Variants in PXDNL observed in about 807,000 individuals in gnomAD.
PXDNL encodes the protein peroxidasin like.
Under a neutral mutation model 150.8 loss-of-function variants are expected in PXDNL, and 145 were observed. The ratio of observed to expected loss-of-function variants is 0.96; its 90% CI spans 0.84 to 1.10. PXDNL has a LOEUF of 1.10. PXDNL is among the 50% of genes least tolerant of loss of function. The pLI is 0.00. For missense variants in PXDNL, 2,087 were observed against 1,873.9 expected (o/e 1.11, Z -2.10); for synonymous variants, 757 against 725.7 (o/e 1.04, Z -0.69).
intron 21 of PXDNL, among the ~76,000 whole-genome samples, chr8:51,335,682 T>TACAC (rs3040925): frequency 0.21 from 28,888 of 137,322 alleles, 2,957 homozygotes; most frequent in Middle Eastern, 0.23. Context: ...TTATATACCC[T>TACAC]ACACACACAC....
rs149278875 is a variant in PXDNL at position 51,492,023 on chromosome 8, C to T, written c.452+7676G>A. On this transcript the variant is annotated intron_variant, in intron 5 of 22. Transcript: ENST00000356297. ...CAGCACAAAGCAAACAAAAGCAAAC[C>T]ATGTGATTTTATGCCTTGCAACTGC... is the stretch of plus-strand genomic sequence containing the variant. Among the ~76,000 whole-genome samples, 535 of 152,266 alleles carry T rather than the reference C, an allele frequency of 3.5e-3. 2 individuals carry two copies. Among genetic ancestry groups the T allele is most frequent in the Admixed American group, 8.6e-3 (131 of 15,292 alleles).
chr8:51,734,228 G>A, intron 1 of PXDNL, among the ~76,000 whole-genome samples: 1 of 152,156 alleles, frequency 6.6e-6, no homozygotes, highest in East Asian at 1.9e-4. Context: ...AAAAGAGTTT[G>A]TTAGGGAAGA....
intron 2 of PXDNL, among the ~76,000 whole-genome samples, chr8:51,608,026 A>AAAGAAAG (rs1491392081): frequency 1.4e-4 from 17 of 119,044 alleles, no homozygotes; most frequent in South Asian, 5.4e-4. Context: ...AGAAAGAAAG[A>AAAGAAAG]AAGAAAGAAA....
rs181625926 is a variant in PXDNL at position 51,449,217 on chromosome 8, G to T, written c.1250-99C>A. 75 of 658,506 alleles carry T rather than the reference G, an allele frequency of 1.1e-4. No homozygotes were observed. The African/African-American group carries it at 1.2e-3, about 11-fold the overall frequency. The allele number at this position is 658,506 out of a possible 1,614,324, so 40.8% of individuals were successfully genotyped here. On this transcript the variant is annotated intron_variant, in intron 10 of 22. Transcript: ENST00000356297. ...TGTCTTCAAATATGTCATGTGATCA[G>T]AATTTGTTTACAATTATATATAAAC... is the stretch of plus-strand genomic sequence containing the variant.
intron 12 of PXDNL, among the ~76,000 whole-genome samples, chr8:51,437,075 A>T (rs1409650276): frequency 6.6e-6 from 1 of 152,202 alleles, no homozygotes; most frequent in Non-Finnish European, 1.5e-5. Flanking sequence ...GCAAACCTTC[A>T]TGTGCACAAA....
At chr8:51,609,429 C>T (rs116959025) in intron 2 of PXDNL, among the ~76,000 whole-genome samples, 25 of 152,262 alleles carry the variant, frequency 1.6e-4, no homozygotes, top group Non-Finnish European at 2.8e-4. Flanking sequence ...GGGTCCTTGA[C>T]CCCTGTGCTC....
chr8:51,565,142 C>T (rs1261009318), intron 3 of PXDNL, among the ~76,000 whole-genome samples: 1 of 151,726 alleles, frequency 6.6e-6, no homozygotes, highest in African/African-American at 2.4e-5. Context: ...TAAGTGCGGA[C>T]ATGATGCAAG....
chr8:51,405,642 C>T (rs1251253452), intron 17 of PXDNL, among the ~76,000 whole-genome samples: 1 of 152,208 alleles, frequency 6.6e-6, no homozygotes, highest in Non-Finnish European at 1.5e-5. Flanking sequence ...TTGCAATCTA[C>T]ATATTTGAGA....
chr8:51,771,864 C>T lies in PXDNL; in HGVS notation c.164+37317G>A, dbSNP rs545749401. Among the ~76,000 whole-genome samples, 22 of 152,208 alleles carry T rather than the reference C, an allele frequency of 1.4e-4. No homozygotes were observed. The East Asian group carries it at 3.7e-3, about 26-fold the overall frequency. On this transcript the variant is annotated intron_variant, in intron 1 of 22. Transcript: ENST00000356297. ...TTGATTCCACACCTCAGCTACTGGT[C>T]CACACACGTGGTTCCTCTGCCTCCC... is the stretch of plus-strand genomic sequence containing the variant.
chr8:51,437,598 T>C (rs1809438230), intron 12 of PXDNL, among the ~76,000 whole-genome samples: 1 of 152,216 alleles, frequency 6.6e-6, no homozygotes, highest in South Asian at 2.1e-4. Flanking sequence ...CACATGATCA[T>C]ATCAATAGAT....
At chr8:51,792,718 G>A in intron 1 of PXDNL, among the ~76,000 whole-genome samples, 1 of 152,210 alleles carries the variant, frequency 6.6e-6, no homozygotes, top group East Asian at 1.9e-4. Flanking sequence ...GTGGTACATT[G>A]TGGCCAGACA....
chr8:51,679,922 G>A (rs2130844611), intron 1 of PXDNL, among the ~76,000 whole-genome samples: 1 of 152,162 alleles, frequency 6.6e-6, no homozygotes. Flanking sequence ...CTCTCTCCTG[G>A]GACACATGCT....
At chr8:51,568,942 C>T (rs1434662208) in intron 3 of PXDNL, among the ~76,000 whole-genome samples, 1 of 151,806 alleles carries the variant, frequency 6.6e-6, no homozygotes, top group Non-Finnish European at 1.5e-5. Flanking sequence ...CTAGAATTTC[C>T]TTTTCATTCT....
At chr8:51,504,101 A>G (rs141143097) in intron 4 of PXDNL, among the ~76,000 whole-genome samples, 1 of 151,846 alleles carries the variant, frequency 6.6e-6, no homozygotes, top group Non-Finnish European at 1.5e-5. Flanking sequence ...TGCGTTTTTT[A>G]TTTTGCCTCC....
intron 2 of PXDNL, among the ~76,000 whole-genome samples, chr8:51,629,208 A>C (rs1439849770): frequency 6.6e-6 from 1 of 152,212 alleles, no homozygotes; most frequent in African/African-American, 2.4e-5. Flanking sequence ...TATGTAAAGG[A>C]AGCAGACATA....
intron 10 of PXDNL, among the ~76,000 whole-genome samples, chr8:51,451,607 A>G (rs1586117744): frequency 6.6e-6 from 1 of 152,162 alleles, no homozygotes; most frequent in Admixed American, 6.5e-5. Flanking sequence ...CTTTTTACCT[A>G]TATGTCCACA....
At chr8:51,359,375 G>A (rs942038233) in intron 19 of PXDNL, among the ~76,000 whole-genome samples, 1 of 152,212 alleles carries the variant, frequency 6.6e-6, no homozygotes, top group East Asian at 1.9e-4. Context: ...GAACTAAGAA[G>A]TTAAATAGAT....
At chr8:51,491,326 T>C (rs994987777) in intron 5 of PXDNL, among the ~76,000 whole-genome samples, 5 of 152,120 alleles carry the variant, frequency 3.3e-5, no homozygotes, top group South Asian at 2.1e-4. Flanking sequence ...ACAATTATGA[T>C]GGCAACAACC....
At chr8:51,401,091 G>A (rs1313621810) in intron 17 of PXDNL, among the ~76,000 whole-genome samples, 1 of 152,086 alleles carries the variant, frequency 6.6e-6, no homozygotes, top group Non-Finnish European at 1.5e-5. Flanking sequence ...TTGCAACCAA[G>A]GAGTACATAC....
Sources: allele counts gnomAD v4.1 joint callset (sites outside exome capture counted in the v4.1 genomes callset), GRCh38; gene constraint gnomAD v4.1.1; transcripts MANE v1.5; gene names NCBI Gene and HGNC (gene_info 2026-07-23, HGNC 2026-07-21).